Variants in AGPAT5 observed in about 807,000 individuals in gnomAD.
AGPAT5 encodes 1-acyl-sn-glycerol-3-phosphate acyltransferase epsilon.
Under a neutral mutation model 45.6 loss-of-function variants are expected in AGPAT5, and 46 were observed. The observed-to-expected ratio is 1.01, with a 90% CI of 0.80 to 1.29. The LOEUF is 1.29. Among genes scored for constraint, AGPAT5 ranks in the 50% most tolerant of loss-of-function variants. AGPAT5 has a pLI of 0.00. For synonymous variants in AGPAT5, 272 were observed against 167.0 expected (o/e 1.63, Z -4.85); for missense variants, 673 against 450.7 (o/e 1.49, Z -4.47).
chr8:6,713,717 C>A (rs1800229714), intron 1 of AGPAT5, among the ~76,000 whole-genome samples: 2 of 75,800 alleles, frequency 2.6e-5, no homozygotes, highest in South Asian at 7.2e-4. Flanking sequence ...CCATGCCCAG[C>A]TAATTTTTTT....
intron 6 of AGPAT5, among the ~76,000 whole-genome samples, chr8:6,749,346 A>G (rs1023708726): frequency 1.3e-5 from 2 of 152,262 alleles, no homozygotes; most frequent in African/African-American, 2.4e-5. Context: ...TAACATATTT[A>G]TATCTGAAAG....
intron 3 of AGPAT5, among the ~76,000 whole-genome samples, chr8:6,732,197 TTAGTGACTCTGTAA>T (rs1800888260): frequency 6.6e-6 from 1 of 152,100 alleles, no homozygotes; most frequent in Non-Finnish European, 1.5e-5. Context: ...AGGACGCTTT[TTAGTGACTCTGTAA>T]TAAGTGGGTG....
rs1288407187 is a variant in AGPAT5 at position 6,760,445 on chromosome 8, G to C, written c.*3057G>C. ...AGAAATATAAAATTTGCTTATTATA[G>C]ACACACAGTAACTCCCAGATATGTA... On this transcript the variant is annotated 3_prime_UTR_variant, in exon 8 of 8. Transcript: ENST00000285518. 6.6e-6 allele frequency among the ~76,000 whole-genome samples: 1 copy of C among 152,052 alleles called. No homozygotes were observed. Among genetic ancestry groups the C allele is most frequent in the Non-Finnish European group, 1.5e-5 (1 of 68,022 alleles).
chr8:6,743,374 G>C (rs138117017), intron 5 of AGPAT5, among the ~76,000 whole-genome samples: 24 of 152,260 alleles, frequency 1.6e-4, no homozygotes, highest in African/African-American at 5.1e-4. Context: ...TTGTCCATTA[G>C]AGAGCTTCGC....
intron 4 of AGPAT5, among the ~76,000 whole-genome samples, chr8:6,734,426 C>G (rs1488716705): frequency 1.3e-5 from 2 of 152,124 alleles, no homozygotes; most frequent in Admixed American, 6.5e-5. Context: ...CTGCGTGTTT[C>G]ATTCCTCACA....
intron 4 of AGPAT5, among the ~76,000 whole-genome samples, chr8:6,734,282 C>T (rs1186292619): frequency 2.7e-5 from 4 of 146,200 alleles, no homozygotes; most frequent in African/African-American, 1.0e-4. Context: ...TTTTTTTTTA[C>T]GCCCCCTCCC....
In AGPAT5 at chr8:6,730,743, A is replaced by C; in HGVS notation, c.322A>C (p.Arg108=). ...GATTGTTGCTGACATCTTGGCCATC[A>C]GGCAGAATGCGCTAGGACATGTGCG... ...DWIVADILAI[R]QNALGHVRYV... The change falls in exon 3 of 8, where the codon AGG becomes CGG. Residue 108 remains arginine (R), a synonymous_variant. Transcript: ENST00000285518. 1 of 1,613,378 alleles carries C rather than the reference A, an allele frequency of 6.2e-7. No individual in the cohort carries two copies. Among genetic ancestry groups the C allele is most frequent in the Non-Finnish European group, 8.5e-7 (1 of 1,179,462 alleles).
chr8:6,716,736 G>C (rs996158924), intron 1 of AGPAT5, among the ~76,000 whole-genome samples: 1 of 152,142 alleles, frequency 6.6e-6, no homozygotes, highest in African/African-American at 2.4e-5. Context: ...GGGAGGCTGA[G>C]GCAGGAGAAT....
At position 6,747,710 on chromosome 8, in the gene AGPAT5, G is replaced by C; in HGVS notation, c.627G>C (p.Lys209Asn). The change falls in exon 6 of 8, where the codon AAG (lysine) becomes AAC (asparagine). Residue 209 changes from lysine (K) to asparagine (N), a missense_variant. Transcript: ENST00000285518. ...VLKHVLTPRI[K>N]ATHVAFDCMK... ...AACATGTGCTAACACCACGAATAAA[G>C]GCAACTCACGTTGCTTTTGATTGCA... 1 of 1,614,076 alleles carries C rather than the reference G, an allele frequency of 6.2e-7. No individual in the cohort carries two copies. Among genetic ancestry groups the C allele is most frequent in the Non-Finnish European group, 8.5e-7 (1 of 1,179,952 alleles).
Position 6,760,628 on chromosome 8 carries a change from C to T in AGPAT5, c.*3240C>T, listed in dbSNP as rs915278408. Among the ~76,000 whole-genome samples, 2 of 152,152 alleles carry T rather than the reference C, an allele frequency of 1.3e-5. No individual in the cohort carries two copies. Among genetic ancestry groups the T allele is most frequent in the East Asian group, 3.8e-4 (2 of 5,200 alleles). ...TATTTTCTTGGCAGATATTCCGTAT[C>T]TGGTGGAAAGCTACAATGCAATGTC... is the stretch of plus-strand genomic sequence containing the variant. On this transcript the variant is annotated 3_prime_UTR_variant, in exon 8 of 8. Transcript: ENST00000285518.
intron 2 of AGPAT5, among the ~76,000 whole-genome samples, chr8:6,728,048 G>A (rs922264974): frequency 1.3e-5 from 2 of 152,188 alleles, no homozygotes; most frequent in East Asian, 1.9e-4. Context: ...GCAGGGAAGC[G>A]CTGCACATGC....
intron 7 of AGPAT5, among the ~76,000 whole-genome samples, chr8:6,755,398 C>A (rs1368403894): frequency 6.6e-6 from 1 of 152,138 alleles, no homozygotes; most frequent in African/African-American, 2.4e-5. Context: ...GATAGTATTT[C>A]TTGGACAATA....
intron 4 of AGPAT5, chr8:6,738,653 A>AT (rs1307959647): frequency 1.3e-5 from 2 of 152,240 alleles, no homozygotes; most frequent in Non-Finnish European, 2.9e-5. Flanking sequence ...GAAGCTCAGT[A>AT]AAGCGAAGCA....
intron 7 of AGPAT5, among the ~76,000 whole-genome samples, 192 bp from the exon 8 acceptor site, chr8:6,756,971 A>G (rs1801863651): frequency 6.6e-6 from 1 of 152,268 alleles, no homozygotes; most frequent in Non-Finnish European, 1.5e-5. Context: ...TATACTAATC[A>G]TAGAGCATAT....
intron 7 of AGPAT5, among the ~76,000 whole-genome samples, chr8:6,756,418 G>C (rs961180270): frequency 1.3e-5 from 2 of 152,046 alleles, no homozygotes; most frequent in African/African-American, 4.8e-5. Flanking sequence ...CTTGAGCCCA[G>C]AAGTTCAAGA....
chr8:6,729,033 T>C (rs781361243), intron 2 of AGPAT5, among the ~76,000 whole-genome samples: 14 of 152,218 alleles, frequency 9.2e-5, no homozygotes, highest in African/African-American at 3.4e-4. Context: ...ATTCTACTTA[T>C]AGGGAGCCAT....
chr8:6,721,695 C>T (rs927825081), intron 1 of AGPAT5, among the ~76,000 whole-genome samples: 1 of 152,130 alleles, frequency 6.6e-6, no homozygotes, highest in South Asian at 2.1e-4. Flanking sequence ...CTTAGTGGCT[C>T]TTATGTTACA....
Position 6,730,717 on chromosome 8 carries a change from G to T in AGPAT5, c.296G>T (p.Trp99Leu). 1 of 1,612,502 alleles carries T rather than the reference G, an allele frequency of 6.2e-7. No individual in the cohort carries two copies. The highest frequency in any genetic ancestry group is 1.1e-5 in the South Asian group (1 of 90,930). ...CTGGGTCCTGTCTCTGCAGTTGACT[G>T]GATTGTTGCTGACATCTTGGCCATC... is the stretch of plus-strand genomic sequence containing the variant. The part of the protein sequence containing the change: ...YLANHQSTVD[W>L]IVADILAIRQ... Residue 99 changes from tryptophan to leucine, a missense_variant, in exon 3 of 8, where the codon TGG becomes TTG. By Grantham distance (61) the Trp-to-Leu change is moderately conservative. Transcript: ENST00000285518.
intron 4 of AGPAT5, among the ~76,000 whole-genome samples, chr8:6,740,442 G>C (rs138128682): frequency 4.7e-5 from 7 of 149,438 alleles, no homozygotes; most frequent in African/African-American, 1.5e-4. Context: ...CAGATCTGGT[G>C]AATCTTCATT....
Sources: gnomAD v4.1 joint callset for allele counts (sites outside exome capture counted in the v4.1 genomes callset) on GRCh38, gnomAD v4.1.1 for gene constraint, MANE v1.5 for transcripts, NCBI Gene and HGNC (gene_info 2026-07-23, HGNC 2026-07-21) for gene names.